Variants in PTPRG observed in about 807,000 individuals in gnomAD.
PTPRG encodes the protein receptor-type tyrosine-protein phosphatase gamma.
A neutral mutation model predicts 165.3 loss-of-function variants in PTPRG; 102 were observed. The ratio of observed to expected loss-of-function variants is 0.62; its 90% CI spans 0.53 to 0.73. PTPRG has a LOEUF of 0.73. PTPRG is among the 30% of genes least tolerant of loss of function. The pLI is 0.00. For missense variants in PTPRG, 1,866 were observed against 1,861.4 expected (o/e 1.00, Z -0.05); for synonymous variants, 675 against 669.5 (o/e 1.01, Z -0.13).
In PTPRG at chr3:61,638,618, T is replaced by TTTTTTTTTG. The variant is rs1553643112; in HGVS notation, c.85+76246_85+76247insTTTTTTTTG. Among the ~76,000 whole-genome samples the TTTTTTTTTG allele has an allele frequency of 2.6e-5, 3 of 116,314 alleles. 1 individual carries two copies. Among genetic ancestry groups the TTTTTTTTTG allele is most frequent in the Non-Finnish European group, 3.4e-5 (2 of 58,606 alleles). 76.3% of individuals were successfully genotyped at this position (116,314 alleles called of 152,430 possible). ...TTTTTTTTTTTTTTTTTTTTTTTTT[T>TTTTTTTTTG]GGGGTAGAGGGATTTCCCTATGTTG... is the stretch of plus-strand genomic sequence containing the variant. On this transcript the variant is annotated intron_variant, in intron 1 of 29. Coordinates refer to ENST00000474889, the MANE Select transcript of PTPRG (RefSeq NM_002841.4).
At chr3:61,728,532 C>T (rs943868532) in intron 1 of PTPRG, among the ~76,000 whole-genome samples, 2 of 151,966 alleles carry the variant, frequency 1.3e-5, no homozygotes, top group African/African-American at 2.4e-5. Flanking sequence ...GCAGTGATCT[C>T]TGATTGCACC....
rs147021969 is a variant in PTPRG at position 61,925,232 on chromosome 3, G to A, written c.191-64393G>A. ...GCAGTCTGCATTTGGCCCATTGGCCGCATTCTGCTGACCCATCACCTTGGT... is the reference window on the plus strand; with the variant it reads ...GCAGTCTGCATTTGGCCCATTGGCCACATTCTGCTGACCCATCACCTTGGT... On this transcript the variant is annotated intron_variant, in intron 2 of 29. Transcript: ENST00000474889. Among the ~76,000 whole-genome samples the A allele has an allele frequency of 8.6e-4, 131 of 152,298 alleles. 1 individual carries two copies. Among genetic ancestry groups the A allele is most frequent in the East Asian group, 7.0e-3 (36 of 5,178 alleles).
chr3:61,696,386 C>T (rs1167120207), intron 1 of PTPRG, among the ~76,000 whole-genome samples: 1 of 152,058 alleles, frequency 6.6e-6, no homozygotes, highest in Admixed American at 6.6e-5. Flanking sequence ...CCTGTAATCC[C>T]AGCTACTTGG....
intron 1 of PTPRG, among the ~76,000 whole-genome samples, chr3:61,610,954 G>T (rs1701152100): frequency 6.6e-6 from 1 of 152,046 alleles, no homozygotes; most frequent in Non-Finnish European, 1.5e-5. Flanking sequence ...CTACATGTGT[G>T]TGCCACCATA....
rs1055219444 is a variant in PTPRG at position 61,860,735 on chromosome 3, C to T, written c.190+111753C>T. On this transcript the variant is annotated intron_variant, in intron 2 of 29. Coordinates refer to ENST00000474889, the MANE Select transcript of PTPRG (RefSeq NM_002841.4). ...CCGGGATTACAGGTGTGAGCCACTG[C>T]GCCTAGCCCATTTTTTAAAATTAAA... Among the ~76,000 whole-genome samples, 6 of 152,114 alleles carry T rather than the reference C, an allele frequency of 3.9e-5. No individual in the cohort carries two copies. The South Asian group carries it at 6.2e-4, about 16-fold the overall frequency.
intron 9 of PTPRG, 139 bp from the exon 10 acceptor site, chr3:62,194,923 C>T (rs1176040557): frequency 1.3e-6 from 1 of 774,220 alleles, no homozygotes; most frequent in Non-Finnish European, 2.1e-6. Flanking sequence ...GCGGTCTTTC[C>T]TTCCAAAGTG....
intron 2 of PTPRG, among the ~76,000 whole-genome samples, chr3:61,987,722 T>C (rs1470226077): frequency 6.9e-6 from 1 of 145,876 alleles, no homozygotes; most frequent in African/African-American, 2.8e-5. Flanking sequence ...CCTATTTTGG[T>C]CAGCCATCTA....
chr3:62,080,144 C>T lies in PTPRG; in HGVS notation c.615+1886C>T, dbSNP rs112516136. Among the ~76,000 whole-genome samples the T allele has an allele frequency of 3.3e-5, 5 of 150,822 alleles. No homozygotes were observed. The South Asian group carries it at 8.4e-4, about 25-fold the overall frequency. ...GTGCAGTGGCACTATCTCAGCTCACCACAACCTCCGCCTCCCGGGTTCAGG... is the reference window on the plus strand; with the variant it reads ...GTGCAGTGGCACTATCTCAGCTCACTACAACCTCCGCCTCCCGGGTTCAGG... On this transcript the variant is annotated intron_variant, in intron 5 of 29. Transcript: ENST00000474889.
intron 2 of PTPRG, among the ~76,000 whole-genome samples, chr3:61,967,669 G>C (rs1312898137): frequency 2.0e-5 from 3 of 152,120 alleles, no homozygotes; most frequent in Admixed American, 1.3e-4. Flanking sequence ...TCCAAATTTA[G>C]TGCATGTAAC....
At chr3:62,235,327 C>A (rs945418055) in intron 14 of PTPRG, among the ~76,000 whole-genome samples, 1 of 152,156 alleles carries the variant, frequency 6.6e-6, no homozygotes, top group Non-Finnish European at 1.5e-5. Flanking sequence ...AAGGGTGAGA[C>A]AGACACCTTA....
At chr3:62,006,992 T>C (rs943962932) in intron 4 of PTPRG, among the ~76,000 whole-genome samples, 4 of 152,226 alleles carry the variant, frequency 2.6e-5, no homozygotes, top group African/African-American at 9.7e-5. Flanking sequence ...AGTCATTCCA[T>C]CCTCTTTGGT....
Position 61,641,539 on chromosome 3 carries a change from G to A in PTPRG, c.85+79167G>A, listed in dbSNP as rs1371384284. ...GATATGTTTTTAAGGAAGAATCACC[G>A]AGTTAGTTCTGACTCTCATTTAGGT... On this transcript the variant is annotated intron_variant, in intron 1 of 29. Coordinates refer to ENST00000474889, the MANE Select transcript of PTPRG (RefSeq NM_002841.4). Among the ~76,000 whole-genome samples, 7 of 152,170 alleles carry A rather than the reference G, an allele frequency of 4.6e-5. No individual in the cohort carries two copies. The East Asian group carries it at 1.2e-3, about 25-fold the overall frequency.
chr3:61,845,510 C>A (rs566397550), intron 2 of PTPRG, among the ~76,000 whole-genome samples: 2 of 152,276 alleles, frequency 1.3e-5, no homozygotes, highest in South Asian at 4.2e-4. Context: ...CTTGAAAACC[C>A]ATGATGCTGT....
chr3:61,856,594 A>G (rs2037112936), intron 2 of PTPRG, among the ~76,000 whole-genome samples: 1 of 151,838 alleles, frequency 6.6e-6, no homozygotes, highest in South Asian at 2.1e-4. Context: ...ATTTTGATTC[A>G]TTTTCTGCAC....
At chr3:61,816,473 A>C (rs755148013) in intron 2 of PTPRG, among the ~76,000 whole-genome samples, 5 of 152,322 alleles carry the variant, frequency 3.3e-5, no homozygotes, top group Non-Finnish European at 7.3e-5. Context: ...CGGAGGTTGC[A>C]GTGAGCCAGG....
At chr3:62,156,533 G>A (rs1704543296) in intron 6 of PTPRG, among the ~76,000 whole-genome samples, 1 of 152,148 alleles carries the variant, frequency 6.6e-6, no homozygotes, top group Admixed American at 6.5e-5. Context: ...GAGGACTTGG[G>A]TGAAACCATA....
chr3:61,943,620 T>C (rs2107610480), intron 2 of PTPRG, among the ~76,000 whole-genome samples: 1 of 152,330 alleles, frequency 6.6e-6, no homozygotes, highest in East Asian at 1.9e-4. Context: ...TTACATTGCC[T>C]GGGCAATACT....
chr3:61,769,375 G>C (rs954940856), intron 2 of PTPRG: 1 of 152,268 alleles, frequency 6.6e-6, no homozygotes, highest in African/African-American at 2.4e-5. Flanking sequence ...TCCTGGGCTC[G>C]TGATTGTTCC....
chr3:61,881,464 T>C (rs1030505534), intron 2 of PTPRG, among the ~76,000 whole-genome samples: 2 of 152,164 alleles, frequency 1.3e-5, no homozygotes, highest in Admixed American at 1.3e-4. Context: ...CAGCAATCGA[T>C]GAACCTTCAT....
Sources: gnomAD v4.1 joint callset for allele counts (sites outside exome capture counted in the v4.1 genomes callset) on GRCh38, gnomAD v4.1.1 for gene constraint, MANE v1.5 for transcripts, NCBI Gene and HGNC (gene_info 2026-07-23, HGNC 2026-07-21) for gene names.